CNTN1: variants seen among roughly 807,000 people sequenced by gnomAD.
The protein encoded by CNTN1 is contactin-1.
In CNTN1, 38 loss-of-function variants were observed where a neutral mutation model predicts 126.4. That is an observed-to-expected ratio of 0.30 (90% CI 0.23 to 0.39). The LOEUF (loss-of-function observed/expected upper bound fraction) is 0.39. CNTN1 is among the 10% of genes least tolerant of loss of function. CNTN1 has a pLI of 1.00. For missense variants in CNTN1, 1,009 were observed against 1,248.4 expected, an observed-to-expected ratio of 0.81 and a Z score of 2.89; for synonymous variants, 413 against 422.6, an observed-to-expected ratio of 0.98 and a Z score of 0.28.
chr12:41,014,281 C>G lies in CNTN1; in HGVS notation c.2167C>G (p.Leu723Val). The G allele has an allele frequency of 6.2e-7, 1 of 1,613,936 alleles. No individual in the cohort carries two copies. The highest frequency in any genetic ancestry group is 8.5e-7 in the Non-Finnish European group (1 of 1,179,868). ...AGGTGGAGGTGGAAGAAACAGAGAGCTGACCATAACATGGGCGGTAAGTAT... is the reference window on the plus strand; with the variant it reads ...AGGTGGAGGTGGAAGAAACAGAGAGGTGACCATAACATGGGCGGTAAGTAT... ...VGGGGGRNRE[L>V]TITWAPLSRE... Residue 723 changes from leucine to valine, a missense_variant, in exon 18 of 24, where the codon CTG (leucine) becomes GTG (valine). By Grantham distance (32) the Leu-to-Val change is conservative (BLOSUM62 1). Transcript: ENST00000551295.
At chr12:40,809,994 G>A (rs1940997419) in intron 1 of CNTN1, among the ~76,000 whole-genome samples, 1 of 152,176 alleles carries the variant, frequency 6.6e-6, no homozygotes, top group South Asian at 2.1e-4. Flanking sequence ...GTAGAGGATG[G>A]ATCAGTGTGC....
chr12:40,841,649 T>C (rs951257388), intron 1 of CNTN1, among the ~76,000 whole-genome samples: 15 of 151,432 alleles, frequency 9.9e-5, no homozygotes, highest in Admixed American at 7.3e-4. Flanking sequence ...AGGTGATACA[T>C]TACATTAATG....
intron 1 of CNTN1, among the ~76,000 whole-genome samples, chr12:40,881,515 A>G (rs1166492042): frequency 6.6e-6 from 1 of 151,826 alleles, no homozygotes. Flanking sequence ...TTATTTTTGC[A>G]TGGCACCCCT....
chr12:40,868,913 A>G (rs1202890393), intron 1 of CNTN1, among the ~76,000 whole-genome samples: 1 of 151,904 alleles, frequency 6.6e-6, no homozygotes, highest in Non-Finnish European at 1.5e-5. Context: ...AATCTCACCC[A>G]CTTCTCAGTT....
intron 1 of CNTN1, among the ~76,000 whole-genome samples, chr12:40,757,895 CA>C (rs1823406738): frequency 6.6e-6 from 1 of 151,966 alleles, no homozygotes. Context: ...TGACAATAAG[CA>C]GACATATTAG....
At chr12:40,852,338 C>T (rs558920501) in intron 1 of CNTN1, among the ~76,000 whole-genome samples, 31 of 152,154 alleles carry the variant, frequency 2.0e-4, no homozygotes, top group African/African-American at 6.0e-4. Flanking sequence ...GATGAGGAAA[C>T]GTTCAGAGAA....
At chr12:40,835,648 C>G (rs1007861321) in intron 1 of CNTN1, among the ~76,000 whole-genome samples, 1 of 152,108 alleles carries the variant, frequency 6.6e-6, no homozygotes, top group Admixed American at 6.6e-5. Context: ...ATCCCACACA[C>G]AGAATCAGGG....
Position 41,025,290 on chromosome 12 carries a change from G to C in CNTN1, c.2664G>C (p.Gly888=), listed in dbSNP as rs1224171895. Reference sequence around the variant, plus strand: ...AAGTCGGGGCCTGCAATAGTGCAGGGTGTGGACCTCCAAGTGACATGATTG... The same window carrying C: ...AAGTCGGGGCCTGCAATAGTGCAGGCTGTGGACCTCCAAGTGACATGATTG... ...FIEVGACNSA[G]CGPPSDMIEA... Residue 888 remains glycine, a synonymous_variant, in exon 21 of 24, where the codon GGG becomes GGC. Coordinates refer to ENST00000551295, the MANE Select transcript of CNTN1 (RefSeq NM_001843.4). The C allele has an allele frequency of 6.2e-7, 1 of 1,613,694 alleles. No individual in the cohort carries two copies. Among genetic ancestry groups the C allele is most frequent in the Admixed American group, 1.7e-5 (1 of 59,996 alleles).
At chr12:40,883,147 C>T (rs1943923152) in intron 1 of CNTN1, among the ~76,000 whole-genome samples, 1 of 151,456 alleles carries the variant, frequency 6.6e-6, no homozygotes, top group South Asian at 2.1e-4. Flanking sequence ...GAGTTTTGAA[C>T]CAGGGGAGGG....
intron 14 of CNTN1, among the ~76,000 whole-genome samples, chr12:40,948,900 C>T (rs1408036202): frequency 6.6e-6 from 1 of 152,152 alleles, no homozygotes; most frequent in Admixed American, 6.5e-5. Context: ...CTATGAAGTT[C>T]CTGGCAATTC....
chr12:40,853,286 T>C (rs1257522808), intron 1 of CNTN1, among the ~76,000 whole-genome samples: 1 of 152,172 alleles, frequency 6.6e-6, no homozygotes, highest in Non-Finnish European at 1.5e-5. Flanking sequence ...TTCCAAAATA[T>C]TATGTTCAAA....
At chr12:40,814,510 G>A (rs545150172) in intron 1 of CNTN1, among the ~76,000 whole-genome samples, 122 of 152,244 alleles carry the variant, frequency 8.0e-4, no homozygotes, top group Non-Finnish European at 1.4e-3. Context: ...GGTTGTAGAT[G>A]TGTGCTGTTA....
intron 14 of CNTN1, among the ~76,000 whole-genome samples, chr12:40,955,075 A>G (rs189911951): frequency 1.3e-5 from 2 of 152,132 alleles, no homozygotes; most frequent in Admixed American, 1.3e-4. Context: ...CTAAGACTCT[A>G]CAGGTGTAGT....
chr12:41,006,593 A>G (rs78635575), intron 17 of CNTN1, among the ~76,000 whole-genome samples: 15,609 of 152,304 alleles, frequency 0.1, 910 homozygotes, highest in Non-Finnish European at 0.13. Flanking sequence ...AAGAATTTAC[A>G]TAGCTAATAT....
intron 1 of CNTN1, among the ~76,000 whole-genome samples, chr12:40,907,034 T>C (rs900961904): frequency 2.0e-5 from 3 of 152,216 alleles, no homozygotes; most frequent in Non-Finnish European, 4.4e-5. Flanking sequence ...ATTTCAGTTA[T>C]GCTATTATAT....
intron 23 of CNTN1, among the ~76,000 whole-genome samples, chr12:41,032,354 C>T (rs112642209): frequency 0.12 from 16,706 of 139,102 alleles, 1,280 homozygotes; most frequent in Middle Eastern, 0.26. Context: ...GGCGACAGAG[C>T]GAGACTCCGT....
At chr12:40,897,602 G>A (rs1000858327) in intron 1 of CNTN1, among the ~76,000 whole-genome samples, 4 of 152,020 alleles carry the variant, frequency 2.6e-5, no homozygotes, top group African/African-American at 9.7e-5. Context: ...CATATGACCG[G>A]AGGCATGTAT....
intron 1 of CNTN1, among the ~76,000 whole-genome samples, chr12:40,715,556 C>T (rs1226674391): frequency 1.3e-5 from 2 of 151,932 alleles, no homozygotes; most frequent in Non-Finnish European, 2.9e-5. Context: ...GATTTGATTC[C>T]CCTTGTGTTG....
intron 1 of CNTN1, among the ~76,000 whole-genome samples, chr12:40,878,042 G>C (rs1943735379): frequency 7.8e-6 from 1 of 128,440 alleles, no homozygotes; most frequent in South Asian, 2.4e-4. Context: ...TTGTTGCCCA[G>C]GCTGGAGTGC....
Sources: gnomAD v4.1 joint callset for allele counts (sites outside exome capture counted in the v4.1 genomes callset) on GRCh38, gnomAD v4.1.1 for gene constraint, MANE v1.5 for transcripts, NCBI Gene and HGNC (gene_info 2026-07-23, HGNC 2026-07-21) for gene names.